Variants in TAMM41 observed in about 807,000 individuals in gnomAD.
The protein encoded by TAMM41 is phosphatidate cytidylyltransferase, mitochondrial.
Under a neutral mutation model 44.1 loss-of-function variants are expected in TAMM41, and 36 were observed. That is an observed-to-expected ratio of 0.82 (90% CI 0.63 to 1.08). The LOEUF (loss-of-function observed/expected upper bound fraction) is 1.08, where lower values mean the gene tolerates loss of function less well. Ranked by LOEUF, TAMM41 falls within the 50% of genes least tolerant of loss-of-function variation. The pLI is 0.00. For missense variants in TAMM41, 417 were observed against 404.3 expected (o/e 1.03, Z -0.27); for synonymous variants, 164 against 153.1 (o/e 1.07, Z -0.53).
chr3:11,808,067 C>T, intron 6 of TAMM41, 172 bp from the exon 7 acceptor site: 1 of 1,294,278 alleles, frequency 7.7e-7, no homozygotes, highest in Non-Finnish European at 1.0e-6. Flanking sequence ...GGATTGAGGG[C>T]CAGGAGACCA....
At chr3:11,731,098 TG>T in the TAMM41 span, among the ~76,000 whole-genome samples, 1 of 152,188 alleles carries the variant, frequency 6.6e-6, no homozygotes. Context: ...GTCAAAGTCA[TG>T]TGAGCCCCTA....
At chr3:11,725,223 T>TCTCCTCCTTCTCCTTCTCCTCCCC in the TAMM41 span, among the ~76,000 whole-genome samples, 2 of 122,514 alleles carry the variant, frequency 1.6e-5, no homozygotes, top group Admixed American at 1.7e-4. Context: ...TTCTCCTCCC[T>TCTCCTCCTTCTCCTTCTCCTCCCC]CTCCTCCTTC....
chr3:11,787,030 A>G (rs2077421815), downstream of TAMM41, among the ~76,000 whole-genome samples: 1 of 152,174 alleles, frequency 6.6e-6, no homozygotes, highest in Non-Finnish European at 1.5e-5. Context: ...GCTGGAGTTA[A>G]AGGCTTGCTC....
Position 11,846,779 on chromosome 3 carries a change from T to A in TAMM41, c.-143A>T, listed in dbSNP as rs528647918. Reference sequence around the variant, plus strand: ...CACAAGGCTGAGTGTGGGGTGGGACTGCAAGCACACGCAAGGATTGGGGCG... The same window carrying A: ...CACAAGGCTGAGTGTGGGGTGGGACAGCAAGCACACGCAAGGATTGGGGCG... On this transcript the variant is annotated 5_prime_UTR_variant, in exon 1 of 8. Transcript: ENST00000455809. 8.8e-4 allele frequency: 933 copies of A among 1,058,870 alleles called. 11 individuals are homozygous for A. The South Asian group carries it at 0.013, about 15-fold the overall frequency. 65.6% of individuals were successfully genotyped at this position (1,058,870 alleles called of 1,614,324 possible).
the TAMM41 span, among the ~76,000 whole-genome samples, chr3:11,728,225 C>T: frequency 6.6e-6 from 1 of 152,250 alleles, no homozygotes; most frequent in Non-Finnish European, 1.5e-5. Flanking sequence ...AAGCAGCCCA[C>T]TTGGTAATTC....
Position 11,792,615 on chromosome 3 carries a change from A to G in TAMM41, c.938-2034T>C, listed in dbSNP as rs545793970. The stretch of plus-strand genomic sequence containing the variant: ...AATGAAGAGTCTTTTCTGCCTTAAT[A>G]TTATAATTTCAACAGAGGTGGAGAA... On this transcript the variant is annotated intron_variant, in intron 7 of 7. Coordinates refer to ENST00000455809, the MANE Select transcript of TAMM41 (RefSeq NM_001284401.2). Among the ~76,000 whole-genome samples the G allele has an allele frequency of 2.0e-5, 3 of 152,324 alleles. No individual in the cohort carries two copies. In the South Asian group the frequency reaches 6.2e-4, roughly 32 times the overall value.
At chr3:11,768,145 GT>G in the TAMM41 span, among the ~76,000 whole-genome samples, 1 of 147,596 alleles carries the variant, frequency 6.8e-6, no homozygotes, top group Admixed American at 6.7e-5. Context: ...AAACTTTTTT[GT>G]TTTTTTTTTG....
rs368089018 is a variant in TAMM41, at chr3:11,836,897, T to C, written c.411+2325A>G. On this transcript the variant is annotated intron_variant, in intron 3 of 7. Transcript: ENST00000455809. ...TCATCCAACTTAGAAATGAGAAATGTATCTGTATAGACATGAAATTTCAGT... is the reference window on the plus strand; with the variant it reads ...TCATCCAACTTAGAAATGAGAAATGCATCTGTATAGACATGAAATTTCAGT... Among the ~76,000 whole-genome samples, 30 of 152,390 alleles carry C rather than the reference T, an allele frequency of 2.0e-4. No individual in the cohort carries two copies. In the East Asian group the frequency reaches 5.6e-3, roughly 28 times the overall value.
intron 7 of TAMM41, among the ~76,000 whole-genome samples, chr3:11,792,007 G>A (rs181025177): frequency 1.3e-3 from 192 of 152,258 alleles, no homozygotes; most frequent in African/African-American, 4.5e-3. Flanking sequence ...GCCGAATACA[G>A]GTAGTTATAC....
At chr3:11,802,627 AGAAT>A (rs1399404606) in intron 7 of TAMM41, among the ~76,000 whole-genome samples, 2 of 152,218 alleles carry the variant, frequency 1.3e-5, no homozygotes, top group African/African-American at 4.8e-5. Flanking sequence ...AAACACAGAA[AGAAT>A]GAATACCAAT....
chr3:11,835,066 G>T (rs2079121900), intron 3 of TAMM41, among the ~76,000 whole-genome samples: 1 of 152,126 alleles, frequency 6.6e-6, no homozygotes, highest in South Asian at 2.1e-4. Flanking sequence ...CAATTCTGGG[G>T]CTTTAGACAA....
At chr3:11,807,589 G>T in intron 7 of TAMM41, 1 of 1,536,134 alleles carries the variant, frequency 6.5e-7, no homozygotes, top group Non-Finnish European at 8.7e-7. Flanking sequence ...CACAGGAAGT[G>T]TCTCAGAAAA....
intron 4 of TAMM41, among the ~76,000 whole-genome samples, chr3:11,828,921 AT>A (rs533871526): frequency 8.5e-5 from 13 of 152,148 alleles, no homozygotes; most frequent in Non-Finnish European, 1.9e-4. Context: ...GGGAAAGATG[AT>A]TTTTTTTAAG....
the TAMM41 span, among the ~76,000 whole-genome samples, chr3:11,755,270 T>C: frequency 6.6e-6 from 1 of 150,802 alleles, no homozygotes; most frequent in Non-Finnish European, 1.5e-5. Context: ...TTGAGAAAAG[T>C]CTGTGACGTG....
chr3:11,826,353 C>A (rs1026459406), intron 4 of TAMM41, among the ~76,000 whole-genome samples: 3 of 151,838 alleles, frequency 2.0e-5, no homozygotes, highest in Non-Finnish European at 4.4e-5. Flanking sequence ...AAGCACACAG[C>A]GAGCCCCTGT....
At chr3:11,839,422 T>C in intron 2 of TAMM41, 108 bp from the exon 3 acceptor site, 1 of 691,120 alleles carries the variant, frequency 1.4e-6, no homozygotes, top group Non-Finnish European at 2.3e-6. Flanking sequence ...AGCAGTACCT[T>C]GATTCCAAAG....
At chr3:11,731,630 G>A in the TAMM41 span, among the ~76,000 whole-genome samples, 1 of 152,150 alleles carries the variant, frequency 6.6e-6, no homozygotes, top group African/African-American at 2.4e-5. Flanking sequence ...TAGTACAGAC[G>A]GGGGAAAAGG....
At chr3:11,786,278 T>TA (rs1553564659), downstream of TAMM41, among the ~76,000 whole-genome samples, 6 of 126,454 alleles carry the variant, frequency 4.7e-5, no homozygotes, top group South Asian at 2.4e-4. Flanking sequence ...TTTATTTATT[T>TA]ATTTAATTTT....
At chr3:11,782,052 A>C in the TAMM41 span, among the ~76,000 whole-genome samples, 42 of 151,982 alleles carry the variant, frequency 2.8e-4, no homozygotes, top group African/African-American at 8.9e-4. Context: ...CTGCATGGCC[A>C]GTGATGGCTG....
Sources: gnomAD v4.1 joint callset for allele counts (sites outside exome capture counted in the v4.1 genomes callset) on GRCh38, gnomAD v4.1.1 for gene constraint, MANE v1.5 for transcripts, NCBI Gene and HGNC (gene_info 2026-07-23, HGNC 2026-07-21) for gene names.